Variants in NCF4 observed in about 807,000 individuals in gnomAD.
NCF4 encodes neutrophil cytosolic factor 4.
Under a neutral mutation model 41.7 loss-of-function variants are expected in NCF4, and 30 were observed. The observed-to-expected ratio is 0.72, with a 90% CI of 0.54 to 0.97. The LOEUF is 0.97. Ranked by LOEUF, NCF4 falls within the 50% of genes least tolerant of loss-of-function variation. The probability of loss-of-function intolerance (pLI) is 0.00; values close to 1 mark genes in which losing one functional copy is unlikely to be tolerated. For missense variants in NCF4, 432 were observed against 460.9 expected (o/e 0.94, Z 0.57); for synonymous variants, 195 against 175.8 (o/e 1.11, Z -0.87).
chr22:36,871,756 TG>T (rs1267509310), intron 6 of NCF4, 47 bp downstream of exon 6: 1 of 1,542,736 alleles, frequency 6.5e-7, no homozygotes, highest in Non-Finnish European at 8.8e-7. Flanking sequence ...TGTGGGCATC[TG>T]CCTTGGCCCA....
chr22:36,875,915 C>T, intron 8 of NCF4, 114 bp from the exon 9 acceptor site: 1 of 1,614,210 alleles, frequency 6.2e-7, no homozygotes, highest in Non-Finnish European at 8.5e-7. Flanking sequence ...AGCCACAATG[C>T]TGTAACAAGC....
chr22:36,867,109 T>TAGTGTGTG (rs1348651932), intron 3 of NCF4, among the ~76,000 whole-genome samples: 24 of 46,324 alleles, frequency 5.2e-4, no homozygotes, highest in South Asian at 1.5e-3. Context: ...GAACTAAGAG[T>TAGTGTGTG]CGTGTGTGTG....
At chr22:36,861,269 G>T (rs1471735038) in intron 1 of NCF4, 66 bp downstream of exon 1, 1 of 1,526,142 alleles carries the variant, frequency 6.6e-7, no homozygotes, top group African/African-American at 1.4e-5. Flanking sequence ...AGGGACAAAG[G>T]CCAGTCCTTC....
intron 3 of NCF4, among the ~76,000 whole-genome samples, chr22:36,866,590 CA>C (rs1236040021): frequency 6.6e-6 from 1 of 152,104 alleles, no homozygotes; most frequent in Non-Finnish European, 1.5e-5. Flanking sequence ...TCCTAACTCC[CA>C]ATGTCTAGCT....
chr22:36,876,912 A>G (rs933100180), intron 9 of NCF4, among the ~76,000 whole-genome samples: 4 of 152,154 alleles, frequency 2.6e-5, no homozygotes, highest in African/African-American at 9.7e-5. Flanking sequence ...TTCTACGTAC[A>G]CCAGCCAAGT....
chr22:36,876,638 A>C (rs1940199927), intron 9 of NCF4, among the ~76,000 whole-genome samples: 2 of 152,186 alleles, frequency 1.3e-5, no homozygotes, highest in African/African-American at 2.4e-5. Flanking sequence ...TGCACACACA[A>C]AAGTCACTTT....
At chr22:36,867,242 G>A in intron 3 of NCF4, 150 bp from the exon 4 acceptor site, 2 of 770,442 alleles carry the variant, frequency 2.6e-6, no homozygotes, top group Admixed American at 2.0e-5. Context: ...GTGCCAGAGT[G>A]GCCACTTCAG....
chr22:36,862,300 G>A (rs913843312), intron 1 of NCF4, among the ~76,000 whole-genome samples: 6 of 152,204 alleles, frequency 3.9e-5, no homozygotes, highest in Non-Finnish European at 8.8e-5. Context: ...AACCTGAAGC[G>A]TGGGTTGGGG....
intron 9 of NCF4, 51 bp from the exon 10 acceptor site, chr22:36,877,577 C>CAGGG (rs1206306845): frequency 1.9e-6 from 3 of 1,599,268 alleles, no homozygotes; most frequent in African/African-American, 1.3e-5. Flanking sequence ...CCTCTCCCTA[C>CAGGG]CCCTACCTTA....
At chr22:36,863,194 G>A (rs935067261) in intron 1 of NCF4, among the ~76,000 whole-genome samples, 6 of 152,190 alleles carry the variant, frequency 3.9e-5, no homozygotes, top group African/African-American at 1.4e-4. Context: ...CCTACTGTAT[G>A]CCGGGCTCTG....
At chr22:36,862,918 G>GCCTCCCCCAGGGCAGGCTCCAAAA (rs1171092471) in intron 1 of NCF4, among the ~76,000 whole-genome samples, 3 of 152,080 alleles carry the variant, frequency 2.0e-5, no homozygotes, top group Admixed American at 2.0e-4. Context: ...TCCAACCTCG[G>GCCTCCCCCAGGGCAGGCTCCAAAA]CCTCCCCCAG....
In NCF4 at chr22:36,862,246, G is replaced by A. The variant is rs139224598; in HGVS notation, c.32+1043G>A. Among the ~76,000 whole-genome samples, 590 of 152,302 alleles carry A rather than the reference G, an allele frequency of 3.9e-3. 2 individuals carry two copies. The highest frequency in any genetic ancestry group is 6.8e-3 in the Middle Eastern group (2 of 294). On this transcript the variant is annotated intron_variant, in intron 1 of 9. Coordinates refer to ENST00000248899, the MANE Select transcript of NCF4 (RefSeq NM_000631.5). ...ACAGGCCAGGCTGGTGTGTGCCTAC[G>A]CGGGGAACAGAAGGCCCATGTTGGG...
rs374646787 is a variant in NCF4, at chr22:36,876,066, C to A, written c.796C>A (p.Leu266Ile). The A allele has an allele frequency of 1.2e-6, 2 of 1,610,892 alleles. No individual in the cohort carries two copies. The highest frequency in any genetic ancestry group is 1.7e-5 in the Admixed American group (1 of 59,888). The change falls in exon 9 of 10, where the codon CTA becomes ATA. Residue 266 changes from leucine (L) to isoleucine (I), a missense_variant. Physicochemically the swap from Leu to Ile is conservative, Grantham distance 5. Coordinates refer to ENST00000248899, the MANE Select transcript of NCF4 (RefSeq NM_000631.5). ...AVEEDLSSTP[L>I]LKDLLELTRR... is the part of the protein sequence containing the mutation. ...GGAGGAAGATCTCAGCAGCACTCCCCTATTGAAAGACCTGCTGGAGCTCAC... is the reference window on the plus strand; with the variant it reads ...GGAGGAAGATCTCAGCAGCACTCCCATATTGAAAGACCTGCTGGAGCTCAC...
intron 4 of NCF4, among the ~76,000 whole-genome samples, chr22:36,869,746 A>G (rs1341413402): frequency 6.6e-6 from 1 of 152,156 alleles, no homozygotes; most frequent in African/African-American, 2.4e-5. Flanking sequence ...CAAGGACACT[A>G]GGGCTCAAGT....
rs748418454 is a variant in NCF4, at chr22:36,867,374, C to A, written c.272-18C>A. On this transcript the variant is annotated intron_variant, in intron 3 of 9. Transcript: ENST00000248899. ...ATGTTGGGCCAGGCTCCTAGGACAG[C>A]TCTTTGTCTCTTCTCAGCCAAAGTC... is the stretch of plus-strand genomic sequence containing the variant. 3 of 1,614,008 alleles carry A rather than the reference C, an allele frequency of 1.9e-6. No individual in the cohort carries two copies. The East Asian group carries it at 6.7e-5, about 36-fold the overall frequency.
chr22:36,876,209 T>C, intron 9 of NCF4, 115 bp downstream of exon 9: 2 of 1,087,082 alleles, frequency 1.8e-6, no homozygotes, highest in African/African-American at 3.2e-5. Flanking sequence ...TTGTCTTCTC[T>C]TTTTATCCGC....
chr22:36,864,559 A>G (rs909484), intron 2 of NCF4, among the ~76,000 whole-genome samples: 131,903 of 152,146 alleles, frequency 0.87, 57,454 homozygotes, highest in African/African-American at 0.96. Context: ...GGCATCCTGC[A>G]CCCACAGCAC....
intron 1 of NCF4, among the ~76,000 whole-genome samples, chr22:36,863,088 C>T (rs577603487): frequency 9.9e-5 from 15 of 152,138 alleles, no homozygotes; most frequent in Non-Finnish European, 1.8e-4. Context: ...TCTTCTTGCC[C>T]GCCCCACAGG....
At chr22:36,866,138 G>GC (rs1466836372) in intron 3 of NCF4, among the ~76,000 whole-genome samples, 1 of 152,140 alleles carries the variant, frequency 6.6e-6, no homozygotes, top group African/African-American at 2.4e-5. Context: ...GAGCCTCCGT[G>GC]CCCCCAGGGC....
Sources: gnomAD v4.1 joint callset for allele counts (sites outside exome capture counted in the v4.1 genomes callset) on GRCh38, gnomAD v4.1.1 for gene constraint, MANE v1.5 for transcripts, NCBI Gene and HGNC (gene_info 2026-07-23, HGNC 2026-07-21) for gene names.